FFAR3: variants seen among roughly 807,000 people sequenced by gnomAD.
FFAR3 encodes the protein G-protein coupled receptor 41.
For synonymous variants in FFAR3, 68 were observed against 201.1 expected (o/e 0.34, Z 5.60); for missense variants, 136 against 446.5 (o/e 0.30, Z 6.27).
In FFAR3 at chr19:35,359,960, C is replaced by T. The variant is rs1221082910; in HGVS notation, c.*29C>T. 10 of 1,042,014 alleles carry T rather than the reference C, an allele frequency of 9.6e-6. No individual in the cohort carries two copies. Among genetic ancestry groups the T allele is most frequent in the South Asian group, 6.3e-5 (4 of 63,866 alleles). 64.5% of individuals were successfully genotyped at this position (1,042,014 alleles called of 1,614,324 possible). ...CTCCGGGGGAGGAGGGTGTAGCTGG[C>T]ATGTCATCCTCAGGGCGCTTCCTCG... On this transcript the variant is annotated 3_prime_UTR_variant, in exon 2 of 2. Coordinates refer to ENST00000327809, the MANE Select transcript of FFAR3 (RefSeq NM_005304.5).
rs1287908373 is a variant in FFAR3, at chr19:35,360,232, C to T, written c.*301C>T. 5.8e-6 allele frequency: 3 copies of T among 519,896 alleles called. No individual in the cohort carries two copies. The highest frequency in any genetic ancestry group is 1.1e-5 in the Non-Finnish European group (3 of 277,114). 32.2% of individuals were successfully genotyped at this position (519,896 alleles called of 1,614,324 possible). A position where few individuals can be genotyped will look rare whatever the true frequency, so the allele number is the denominator to read the frequency against. On this transcript the variant is annotated 3_prime_UTR_variant, in exon 2 of 2. Coordinates refer to ENST00000327809, the MANE Select transcript of FFAR3 (RefSeq NM_005304.5). ...TGTTTTCTTGAGGGTGGCAGAGGAG[C>T]TAAGAGCAGTGCCCAGGGTCTGAGG...
chr19:35,358,390 G>T (rs1206796084), upstream of FFAR3: 11 of 901,388 alleles, frequency 1.2e-5, no homozygotes, highest in Non-Finnish European at 1.5e-5. Flanking sequence ...GAAGACGTCG[G>T]CTGGGGCCTG....
rs147416906 is a variant in FFAR3 at position 35,359,616 on chromosome 19, C to T, written c.726C>T (p.Asn242=). 81 of 1,613,944 alleles carry T rather than the reference C, an allele frequency of 5.0e-5. No homozygotes were observed. The East Asian group carries it at 6.2e-4, about 12-fold the overall frequency. The change falls in exon 2 of 2, where the codon AAC becomes AAT. Residue 242 remains asparagine (N), a synonymous_variant. Transcript: ENST00000327809. The stretch of plus-strand genomic sequence containing the variant: ...TCCTTGTCTGCTTTGGGCCCTACAA[C>T]GTGTCCCATGTCGTGGGCTATATCT... The part of the protein sequence containing the change: ...LNFLVCFGPY[N]VSHVVGYICG...
rs1568497916 is a variant in FFAR3 at position 35,358,470 on chromosome 19, C to G, written c.-191C>G. ...GTTGTGGAATTTGTTCCCCTTTTAG[C>G]ATGCTGACCAGCCCTGGCAACGGAG... On this transcript the variant is annotated 5_prime_UTR_variant, in exon 1 of 2. Transcript: ENST00000327809. 1.8e-6 allele frequency: 2 copies of G among 1,133,800 alleles called. No homozygotes were observed. The allele number at this position is 1,133,800 out of a possible 1,614,324, so 70.2% of individuals were successfully genotyped here. A position where few individuals can be genotyped will look rare whatever the true frequency, so the allele number is the denominator to read the frequency against.
At position 35,359,517 on chromosome 19, in the gene FFAR3, G is replaced by C; in HGVS notation, c.627G>C (p.Trp209Cys). Residue 209 changes from tryptophan to cysteine, a missense_variant, in exon 2 of 2, where the codon TGG (tryptophan) becomes TGC (cysteine). Trp to Cys is a radical substitution (Grantham distance 215, BLOSUM62 -2). Coordinates refer to ENST00000327809, the MANE Select transcript of FFAR3 (RefSeq NM_005304.5). ...GCTACTGCTACAGCCGCCTGGTGTG[G>C]ATCCTCGGCAGAGGGGGCAGCCACC... ...ITSYCYSRLV[W>C]ILGRGGSHRR... 3 of 1,613,886 alleles carry C rather than the reference G, an allele frequency of 1.9e-6. No individual in the cohort carries two copies. Among genetic ancestry groups the C allele is most frequent in the Non-Finnish European group, 1.7e-6 (2 of 1,179,850 alleles).
Position 35,358,617 on chromosome 19 carries a change from T to A in FFAR3, c.-44T>A. On this transcript the variant is annotated 5_prime_UTR_variant, in exon 1 of 2. Transcript: ENST00000327809. Reference sequence around the variant, plus strand: ...GGTCTGGAGAGACAGCAAGGTGCTGTGCGGCAGAGCATTTGGGGTCTCAAA... The same window carrying A: ...GGTCTGGAGAGACAGCAAGGTGCTGAGCGGCAGAGCATTTGGGGTCTCAAA... 7.3e-7 allele frequency: 1 copy of A among 1,370,464 alleles called. No individual in the cohort carries two copies. The highest frequency in any genetic ancestry group is 9.5e-7 in the Non-Finnish European group (1 of 1,055,134). The allele number at this position is 1,370,464 out of a possible 1,614,324, so 84.9% of individuals were successfully genotyped here.
At chr19:35,358,410 T>C, upstream of FFAR3, 1 of 1,063,918 alleles carries the variant, frequency 9.4e-7, no homozygotes, top group Non-Finnish European at 1.1e-6. Context: ...GCTTAGAGCA[T>C]CCCAGCTGAG....
rs746539346 is a variant in FFAR3 at position 35,359,534 on chromosome 19, G to T, written c.644G>T (p.Gly215Val). 13 of 1,613,804 alleles carry T rather than the reference G, an allele frequency of 8.1e-6. 1 individual carries two copies. Residue 215 changes from glycine (G) to valine (V), a missense_variant, in exon 2 of 2, where the codon GGC becomes GTC. Physicochemically the swap from Gly to Val is moderately radical, Grantham distance 109. Coordinates refer to ENST00000327809, the MANE Select transcript of FFAR3 (RefSeq NM_005304.5). The part of the protein sequence containing the change: ...SRLVWILGRG[G>V]SHRRQRRVAG... ...CTGGTGTGGATCCTCGGCAGAGGGG[G>T]CAGCCACCGCCGGCAGAGGAGGGTG...
chr19:35,360,002 C>T lies in FFAR3; in HGVS notation c.*71C>T. ...GCTTCCTCGCTCACGCCAGGAGGGA[C>T]TTGGAGTGGCGAGCTGGGGCCCGAT... On this transcript the variant is annotated 3_prime_UTR_variant, in exon 2 of 2. Coordinates refer to ENST00000327809, the MANE Select transcript of FFAR3 (RefSeq NM_005304.5). 1.0e-5 allele frequency: 8 copies of T among 778,518 alleles called. No individual in the cohort carries two copies. Among genetic ancestry groups the T allele is most frequent in the Non-Finnish European group, 8.1e-6 (4 of 492,558 alleles). 48.2% of individuals were successfully genotyped at this position (778,518 alleles called of 1,614,324 possible).
chr19:35,358,781 G>C, intron 1 of FFAR3, 99 bp from the exon 2 acceptor site: 1 of 1,125,344 alleles, frequency 8.9e-7, no homozygotes, highest in Non-Finnish European at 1.3e-6. Context: ...GAGACAAGAG[G>C]GGTGGGCGTA....
In FFAR3 at chr19:35,359,396, G is replaced by A. The variant is rs370522843; in HGVS notation, c.506G>A (p.Cys169Tyr). 1.2e-5 allele frequency: 20 copies of A among 1,614,034 alleles called. No homozygotes were observed. In the South Asian group the frequency reaches 1.9e-4, roughly 15 times the overall value. The change falls in exon 2 of 2, where the codon TGC becomes TAC. Residue 169 changes from cysteine to tyrosine, a missense_variant. Cys to Tyr is a radical substitution (Grantham distance 194). Transcript: ENST00000327809. ...ISHSQGTNGT[C>Y]YLEFRKDQLA... is the part of the protein sequence containing the mutation. ...CACAGCCAGGGCACCAATGGGACCT[G>A]CTACCTGGAGTTCCGGAAGGACCAG... is the stretch of plus-strand genomic sequence containing the variant.
Position 35,359,512 on chromosome 19 carries a change from G to T in FFAR3, c.622G>T (p.Val208Leu). Residue 208 changes from valine (V) to leucine (L), a missense_variant, in exon 2 of 2, where the codon GTG becomes TTG. Coordinates refer to ENST00000327809, the MANE Select transcript of FFAR3 (RefSeq NM_005304.5). ...IITSYCYSRL[V>L]WILGRGGSHR... ...CACCAGCTACTGCTACAGCCGCCTGGTGTGGATCCTCGGCAGAGGGGGCAG... is the reference window on the plus strand; with the variant it reads ...CACCAGCTACTGCTACAGCCGCCTGTTGTGGATCCTCGGCAGAGGGGGCAG... 1 of 1,613,874 alleles carries T rather than the reference G, an allele frequency of 6.2e-7. No individual in the cohort carries two copies. The highest frequency in any genetic ancestry group is 8.5e-7 in the Non-Finnish European group (1 of 1,179,854).
In FFAR3 at chr19:35,360,343, G is replaced by A. The variant is rs1261693200; in HGVS notation, c.*412G>A. 29 of 238,338 alleles carry A rather than the reference G, an allele frequency of 1.2e-4. No individual in the cohort carries two copies. Among genetic ancestry groups the A allele is most frequent in the African/African-American group, 7.5e-4 (27 of 36,020 alleles). 14.8% of individuals were successfully genotyped at this position (238,338 alleles called of 1,614,324 possible). Reference sequence around the variant, plus strand: ...CAGCCAGCGAGTCAGGAGCGGGGGAGACAGGGCTCCAGGGATGAGGCCGCA... The same window carrying A: ...CAGCCAGCGAGTCAGGAGCGGGGGAAACAGGGCTCCAGGGATGAGGCCGCA... On this transcript the variant is annotated 3_prime_UTR_variant, in exon 2 of 2. Transcript: ENST00000327809.
chr19:35,358,434 G>A, upstream of FFAR3: 1 of 1,099,468 alleles, frequency 9.1e-7, no homozygotes, highest in Non-Finnish European at 1.1e-6. Context: ...GCATGAGGAG[G>A]GAGGCACGCA....
rs2066981257 is a variant in FFAR3 at position 35,359,413 on chromosome 19, A to G, written c.523A>G (p.Lys175Glu). 2 of 1,614,016 alleles carry G rather than the reference A, an allele frequency of 1.2e-6. No homozygotes were observed. Among genetic ancestry groups the G allele is most frequent in the East Asian group, 2.2e-5 (1 of 44,896 alleles). The part of the protein sequence containing the change: ...TNGTCYLEFR[K>E]DQLAILLPVR... ...TGGGACCTGCTACCTGGAGTTCCGG[A>G]AGGACCAGCTAGCCATCCTCCTGCC... Residue 175 changes from lysine (K) to glutamate (E), a missense_variant, in exon 2 of 2, where the codon AAG (lysine) becomes GAG (glutamate). By Grantham distance (56) the Lys-to-Glu change is moderately conservative. Transcript: ENST00000327809.
Position 35,359,419 on chromosome 19 carries a change from C to A in FFAR3, c.529C>A (p.Gln177Lys), listed in dbSNP as rs546623697. ...GTCYLEFRKD[Q>K]LAILLPVRLE... ...CTGCTACCTGGAGTTCCGGAAGGACCAGCTAGCCATCCTCCTGCCCGTGCG... is the reference window on the plus strand; with the variant it reads ...CTGCTACCTGGAGTTCCGGAAGGACAAGCTAGCCATCCTCCTGCCCGTGCG... Residue 177 changes from glutamine to lysine, a missense_variant, in exon 2 of 2, where the codon CAG (glutamine) becomes AAG (lysine). Physicochemically the swap from Gln to Lys is moderately conservative, Grantham distance 53 (BLOSUM62 1). Coordinates refer to ENST00000327809, the MANE Select transcript of FFAR3 (RefSeq NM_005304.5). 50 of 1,614,016 alleles carry A rather than the reference C, an allele frequency of 3.1e-5. No individual in the cohort carries two copies. The Admixed American group carries it at 8.0e-4, about 26-fold the overall frequency.
At chr19:35,358,405 G>C (rs2066973776), upstream of FFAR3, 4 of 1,036,192 alleles carry the variant, frequency 3.9e-6, no homozygotes, top group Admixed American at 5.0e-5. Context: ...GGCCTGCTTA[G>C]AGCATCCCAG....
rs1436629327 is a variant in FFAR3, at chr19:35,358,949, T to C, written c.59T>C (p.Val20Ala). ...FSGNHWFVFS[V>A]YLLTFLVGLP... ...GGCAATCACTGGTTCGTCTTCTCGG[T>C]GTACCTTCTCACTTTCCTGGTGGGG... The change falls in exon 2 of 2, where the codon GTG becomes GCG. Residue 20 changes from valine (V) to alanine (A), a missense_variant. Physicochemically the swap from Val to Ala is moderately conservative, Grantham distance 64. Coordinates refer to ENST00000327809, the MANE Select transcript of FFAR3 (RefSeq NM_005304.5). 55 of 1,605,500 alleles carry C rather than the reference T, an allele frequency of 3.4e-5. 2 individuals carry two copies. The highest frequency in any genetic ancestry group is 6.7e-5 in the Admixed American group (4 of 59,718).
At position 35,359,012 on chromosome 19, in the gene FFAR3, G is replaced by C; in HGVS notation, c.122G>C (p.Gly41Ala). Residue 41 changes from glycine (G) to alanine (A), a missense_variant, in exon 2 of 2, where the codon GGC becomes GCC. Physicochemically the swap from Gly to Ala is moderately conservative, Grantham distance 60 (BLOSUM62 0). Coordinates refer to ENST00000327809, the MANE Select transcript of FFAR3 (RefSeq NM_005304.5). ...LNLLALVVFV[G>A]KLQRRPVAVD... ...CTGCTGGCCCTGGTGGTCTTCGTGG[G>C]CAAGCTGCAGCGCCGCCCGGTGGCC... 6.2e-7 allele frequency: 1 copy of C among 1,611,640 alleles called. No homozygotes were observed. The highest frequency in any genetic ancestry group is 8.5e-7 in the Non-Finnish European group (1 of 1,178,314).
Sources: gnomAD v4.1 joint callset for allele counts on GRCh38, gnomAD v4.1.1 for gene constraint, MANE v1.5 for transcripts, NCBI Gene and HGNC (gene_info 2026-07-23, HGNC 2026-07-21) for gene names.